GOLPH3L: variants seen among roughly 807,000 people sequenced by gnomAD.
GOLPH3L encodes Golgi phosphoprotein 3-like.
GOLPH3L carries 22 observed loss-of-function variants against 30.3 expected under a neutral mutation model. The observed-to-expected ratio is 0.73, with a 90% confidence interval of 0.52 to 1.04. GOLPH3L has a LOEUF of 1.04. GOLPH3L is among the 50% of genes least tolerant of loss of function. The probability of loss-of-function intolerance (pLI) is 0.00; values close to 1 mark genes in which losing one functional copy is unlikely to be tolerated. For synonymous variants in GOLPH3L, 120 were observed against 128.2 expected (o/e 0.94, Z 0.43); for missense variants, 303 against 345.8 (o/e 0.88, Z 0.98).
intron 4 of GOLPH3L, among the ~76,000 whole-genome samples, chr1:150,656,720 T>C (rs1421483504): frequency 1.3e-5 from 2 of 152,208 alleles, no homozygotes; most frequent in African/African-American, 4.8e-5. Context: ...CTATAGGATA[T>C]GATCCTGAAA....
At chr1:150,664,473 A>C (rs1171136330) in intron 2 of GOLPH3L, among the ~76,000 whole-genome samples, 2 of 151,806 alleles carry the variant, frequency 1.3e-5, no homozygotes, top group Non-Finnish European at 2.9e-5. Context: ...CTTTTTTTTG[A>C]GATGGAGGCT....
chr1:150,665,054 T>TA (rs1650465449), intron 2 of GOLPH3L, among the ~76,000 whole-genome samples: 1 of 152,138 alleles, frequency 6.6e-6, no homozygotes, highest in Non-Finnish European at 1.5e-5. Context: ...TACTAATGTC[T>TA]ATTGAATACT....
chr1:150,686,617 C>A (rs1204609761), intron 2 of GOLPH3L, among the ~76,000 whole-genome samples: 1 of 152,094 alleles, frequency 6.6e-6, no homozygotes, highest in African/African-American at 2.4e-5. Flanking sequence ...ATAGAAACTG[C>A]AAAATGTTTT....
chr1:150,672,163 C>T (rs930491892), intron 2 of GOLPH3L, among the ~76,000 whole-genome samples: 5 of 152,092 alleles, frequency 3.3e-5, no homozygotes, highest in African/African-American at 1.2e-4. Context: ...GCTTTGAACC[C>T]TTTTATATCT....
At chr1:150,687,077 A>G (rs1038333086) in intron 2 of GOLPH3L, among the ~76,000 whole-genome samples, 7 of 152,296 alleles carry the variant, frequency 4.6e-5, no homozygotes, top group Admixed American at 4.6e-4. Flanking sequence ...GCGATTAGGA[A>G]ACTAAAAGGA....
At chr1:150,670,393 C>A (rs201998350) in intron 2 of GOLPH3L, among the ~76,000 whole-genome samples, 3 of 151,996 alleles carry the variant, frequency 2.0e-5, no homozygotes, top group Non-Finnish European at 2.9e-5. Flanking sequence ...GTCAGGAGAT[C>A]GAGACCATCC....
rs1650220299 is a variant in GOLPH3L, at chr1:150,655,584, C to G, written c.430+6230G>C. Among the ~76,000 whole-genome samples, 3 of 152,230 alleles carry G rather than the reference C, an allele frequency of 2.0e-5. No individual in the cohort carries two copies. The East Asian group carries it at 5.8e-4, about 29-fold the overall frequency. On this transcript the variant is annotated intron_variant, in intron 4 of 4. Coordinates refer to ENST00000271732, the MANE Select transcript of GOLPH3L (RefSeq NM_018178.6). Reference sequence around the variant, plus strand: ...TTTAGGATATCATTTTTGATGGCAGCCATTGTTAAGCCTCCAGAGCCTATA... The same window carrying G: ...TTTAGGATATCATTTTTGATGGCAGGCATTGTTAAGCCTCCAGAGCCTATA...
chr1:150,668,307 T>C (rs189898160), intron 2 of GOLPH3L, among the ~76,000 whole-genome samples: 18 of 152,322 alleles, frequency 1.2e-4, no homozygotes, highest in Non-Finnish European at 2.2e-4. Context: ...CCTGAGGGTC[T>C]GATCTTTGAC....
chr1:150,653,336 C>G (rs1650169623), intron 4 of GOLPH3L, among the ~76,000 whole-genome samples: 1 of 148,906 alleles, frequency 6.7e-6, no homozygotes, highest in Admixed American at 6.7e-5. Context: ...CACACTGTCG[C>G]CCTGGCTGGA....
intron 4 of GOLPH3L, among the ~76,000 whole-genome samples, chr1:150,650,283 G>A (rs1057274393): frequency 1.5e-5 from 2 of 134,094 alleles, no homozygotes; most frequent in African/African-American, 5.3e-5. Flanking sequence ...AGGGAGTTAG[G>A]CCAAAAGATA....
intron 2 of GOLPH3L, chr1:150,694,175 T>C (rs1278517808): frequency 2.2e-6 from 1 of 450,950 alleles, no homozygotes; most frequent in Non-Finnish European, 4.6e-6. Context: ...GATATTTGCC[T>C]TATAAAGATG....
At chr1:150,686,861 C>G (rs891312629) in intron 2 of GOLPH3L, among the ~76,000 whole-genome samples, 4 of 152,178 alleles carry the variant, frequency 2.6e-5, no homozygotes, top group African/African-American at 9.7e-5. Flanking sequence ...ACTATTAAAA[C>G]AGGTCTTTGG....
At chr1:150,662,407 A>G (rs1333368063) in intron 3 of GOLPH3L, among the ~76,000 whole-genome samples, 3 of 152,120 alleles carry the variant, frequency 2.0e-5, no homozygotes, top group Non-Finnish European at 4.4e-5. Flanking sequence ...GGAAAGTCAG[A>G]AAAGGAAGTC....
At chr1:150,678,039 C>G (rs1027165098) in intron 2 of GOLPH3L, among the ~76,000 whole-genome samples, 1 of 151,308 alleles carries the variant, frequency 6.6e-6, no homozygotes, top group Non-Finnish European at 1.5e-5. Context: ...GTGGCTCATG[C>G]CTGTAATCCC....
chr1:150,656,104 T>A (rs1397096410), intron 4 of GOLPH3L, among the ~76,000 whole-genome samples: 1 of 152,230 alleles, frequency 6.6e-6, no homozygotes, highest in African/African-American at 2.4e-5. Flanking sequence ...TTTCACAGTG[T>A]TACATTATTC....
At chr1:150,683,123 C>T (rs1272326881) in intron 2 of GOLPH3L, among the ~76,000 whole-genome samples, 1 of 152,238 alleles carries the variant, frequency 6.6e-6, no homozygotes, top group East Asian at 1.9e-4. Context: ...TACTCAAGGC[C>T]GGGTGCAGTG....
chr1:150,661,900 C>G lies in GOLPH3L; in HGVS notation c.344G>C (p.Gly115Ala), dbSNP rs767837838. Residue 115 changes from glycine to alanine, a missense_variant, in exon 4 of 5, where the codon GGT becomes GCT. By Grantham distance (60) the Gly-to-Ala change is moderately conservative (BLOSUM62 0). Coordinates refer to ENST00000271732, the MANE Select transcript of GOLPH3L (RefSeq NM_018178.6). ...KVLLKSDSPT[G>A]DVLLDETLKH... ...CAGAGTTTCATCCAGTAAAACATCA[C>G]CTGTTGGGCTGTCTGACTTTAGCAG... 2.5e-6 allele frequency: 4 copies of G among 1,582,886 alleles called. No individual in the cohort carries two copies. In the South Asian group the frequency reaches 4.4e-5, roughly 17 times the overall value.
At chr1:150,677,011 A>G (rs1319386183) in intron 2 of GOLPH3L, among the ~76,000 whole-genome samples, 2 of 151,670 alleles carry the variant, frequency 1.3e-5, no homozygotes, top group African/African-American at 4.8e-5. Flanking sequence ...AGACTCCCAA[A>G]GTGCTGGGAT....
At chr1:150,674,198 T>A (rs1338703150) in intron 2 of GOLPH3L, among the ~76,000 whole-genome samples, 1 of 126,778 alleles carries the variant, frequency 7.9e-6, no homozygotes, top group Non-Finnish European at 1.8e-5. Context: ...AGTTTTCATA[T>A]GTTTGTTAAT....
Sources: gnomAD v4.1 joint callset for allele counts (sites outside exome capture counted in the v4.1 genomes callset) on GRCh38, gnomAD v4.1.1 for gene constraint, MANE v1.5 for transcripts, NCBI Gene and HGNC (gene_info 2026-07-23, HGNC 2026-07-21) for gene names.